Variants in NRG3 observed in about 807,000 individuals in gnomAD.
The protein encoded by NRG3 is pro-neuregulin-3, membrane-bound isoform.
Under a neutral mutation model 66.9 loss-of-function variants are expected in NRG3, and 31 were observed. That is an observed-to-expected ratio of 0.46 (90% CI 0.35 to 0.63). NRG3 has a LOEUF of 0.63. Ranked by LOEUF, NRG3 falls within the 20% of genes least tolerant of loss-of-function variation. The pLI is 0.00. For missense variants in NRG3, 910 were observed against 878.9 expected (o/e 1.04, Z -0.45); for synonymous variants, 393 against 359.4 (o/e 1.09, Z -1.06).
At chr10:82,021,987 C>CT (rs879673106) in intron 1 of NRG3, among the ~76,000 whole-genome samples, 27 of 146,730 alleles carry the variant, frequency 1.8e-4, no homozygotes, top group Non-Finnish European at 2.9e-4. Context: ...ACATTGGATG[C>CT]TTTTTTTTTT....
chr10:82,727,313 C>A (rs539232942), intron 2 of NRG3, among the ~76,000 whole-genome samples: 2 of 127,094 alleles, frequency 1.6e-5, no homozygotes, highest in South Asian at 5.1e-4. Flanking sequence ...CCATCACAGG[C>A]CTGGAGGCCT....
intron 2 of NRG3, among the ~76,000 whole-genome samples, chr10:82,706,839 C>T (rs2056321204): frequency 6.6e-6 from 1 of 151,458 alleles, no homozygotes; most frequent in Non-Finnish European, 1.5e-5. Context: ...ACTAAAAATG[C>T]AAAAATTAGC....
intron 2 of NRG3, among the ~76,000 whole-genome samples, chr10:82,413,248 TG>T (rs1221795067): frequency 2.6e-5 from 4 of 152,192 alleles, no homozygotes; most frequent in Admixed American, 2.6e-4. Context: ...TTTTGATCCA[TG>T]GGCTGTGGAA....
At chr10:82,216,769 G>C (rs1003197640) in intron 1 of NRG3, among the ~76,000 whole-genome samples, 3 of 151,978 alleles carry the variant, frequency 2.0e-5, no homozygotes, top group African/African-American at 4.8e-5. Context: ...TTTCTAAACT[G>C]TGTATTTCTA....
At chr10:82,585,016 G>T (rs1269771360) in intron 2 of NRG3, among the ~76,000 whole-genome samples, 1 of 151,046 alleles carries the variant, frequency 6.6e-6, no homozygotes, top group Non-Finnish European at 1.5e-5. Flanking sequence ...TTTTTTGGGG[G>T]GGGAACGGGG....
At chr10:82,382,736 A>G (rs1048650563) in intron 2 of NRG3, among the ~76,000 whole-genome samples, 1 of 152,038 alleles carries the variant, frequency 6.6e-6, no homozygotes, top group Non-Finnish European at 1.5e-5. Context: ...TGTACATTTT[A>G]TACATAATGC....
chr10:81,914,737 CAG>C (rs1273503335), intron 1 of NRG3, among the ~76,000 whole-genome samples: 1 of 117,710 alleles, frequency 8.5e-6, no homozygotes, highest in Non-Finnish European at 1.6e-5. Context: ...GTCTGGACAA[CAG>C]AGTGATAGCC....
intron 2 of NRG3, among the ~76,000 whole-genome samples, chr10:82,681,291 A>G (rs1031922800): frequency 1.2e-4 from 19 of 152,222 alleles, no homozygotes; most frequent in African/African-American, 4.3e-4. Flanking sequence ...TCTGAAACTC[A>G]GTTTCCTCAT....
At chr10:82,881,289 A>G (rs1216825293) in intron 4 of NRG3, among the ~76,000 whole-genome samples, 1 of 152,264 alleles carries the variant, frequency 6.6e-6, no homozygotes, top group Non-Finnish European at 1.5e-5. Flanking sequence ...AAATAGCAGC[A>G]TGCTAACTTA....
chr10:81,961,121 G>T (rs368059066), intron 1 of NRG3, among the ~76,000 whole-genome samples: 11 of 152,092 alleles, frequency 7.2e-5, no homozygotes, highest in African/African-American at 2.7e-4. Flanking sequence ...TAATGAAGGA[G>T]GTGTGACTTG....
chr10:82,864,321 TA>T (rs1361076957), intron 3 of NRG3, among the ~76,000 whole-genome samples: 1 of 152,116 alleles, frequency 6.6e-6, no homozygotes, highest in Non-Finnish European at 1.5e-5. Flanking sequence ...TGTATATATA[TA>T]TTTTTTTCCA....
At chr10:82,281,878 T>G (rs1341653084) in intron 1 of NRG3, among the ~76,000 whole-genome samples, 5 of 152,230 alleles carry the variant, frequency 3.3e-5, no homozygotes, top group Admixed American at 2.0e-4. Context: ...CATTATTCAT[T>G]GAATATATTC....
chr10:82,873,445 C>A (rs1465849311), intron 4 of NRG3, among the ~76,000 whole-genome samples: 1 of 152,120 alleles, frequency 6.6e-6, no homozygotes, highest in Non-Finnish European at 1.5e-5. Flanking sequence ...TGACAGACTT[C>A]TTCATAAGCC....
At chr10:82,395,109 G>A (rs766559239) in intron 2 of NRG3, among the ~76,000 whole-genome samples, 2 of 152,162 alleles carry the variant, frequency 1.3e-5, no homozygotes, top group Non-Finnish European at 2.9e-5. Flanking sequence ...TCACCACCAT[G>A]AGAAGAACGT....
intron 2 of NRG3, among the ~76,000 whole-genome samples, chr10:82,434,414 TC>T (rs1425561801): frequency 1.3e-5 from 2 of 152,106 alleles, no homozygotes; most frequent in Admixed American, 6.5e-5. Flanking sequence ...CTTGACTTCC[TC>T]TGTTCCTATT....
Position 82,450,625 on chromosome 10 carries a change from G to A in NRG3, c.953+91757G>A, listed in dbSNP as rs1451059610. On this transcript the variant is annotated intron_variant, in intron 2 of 8. Transcript: ENST00000372141. ...AGAAATTTGACTCTTCAAACCCAAA[G>A]CCACTCTCTAGTCAAACTCTTCTCA... Among the ~76,000 whole-genome samples the A allele has an allele frequency of 3.9e-5, 6 of 152,066 alleles. No homozygotes were observed. The East Asian group carries it at 9.7e-4, about 24-fold the overall frequency.
chr10:82,009,011 G>C (rs934165996), intron 1 of NRG3, among the ~76,000 whole-genome samples: 21 of 152,280 alleles, frequency 1.4e-4, no homozygotes, highest in African/African-American at 4.8e-4. Flanking sequence ...TCAGTTTCAA[G>C]TATGAACTTG....
intron 1 of NRG3, among the ~76,000 whole-genome samples, chr10:82,177,865 C>G (rs1405388441): frequency 1.3e-5 from 2 of 152,112 alleles, no homozygotes; most frequent in East Asian, 3.9e-4. Context: ...TCGGAACAGA[C>G]CTATAACCAG....
intron 2 of NRG3, among the ~76,000 whole-genome samples, chr10:82,735,217 T>A (rs1313642322): frequency 6.6e-6 from 1 of 152,176 alleles, no homozygotes; most frequent in Non-Finnish European, 1.5e-5. Flanking sequence ...CTGTGGATAA[T>A]GATTTTCTCA....
Sources: allele counts gnomAD v4.1 joint callset (sites outside exome capture counted in the v4.1 genomes callset), GRCh38; gene constraint gnomAD v4.1.1; transcripts MANE v1.5; gene names NCBI Gene and HGNC (gene_info 2026-07-23, HGNC 2026-07-21).